The following CERS3 variants were observed in gnomAD, a reference collection of about 807,000 sequenced individuals.
CERS3 encodes the protein ceramide synthase 3.
CERS3 carries 33 observed loss-of-function variants against 50.3 expected under a neutral mutation model. The ratio of observed to expected loss-of-function variants is 0.66; its 90% CI spans 0.50 to 0.88. The LOEUF (loss-of-function observed/expected upper bound fraction) is 0.88. Among genes scored for constraint, CERS3 ranks in the 40% least tolerant of loss-of-function variants. The pLI, the probability that CERS3 is intolerant of heterozygous loss-of-function variation, is 0.00. For missense variants in CERS3, 470 were observed against 460.3 expected (o/e 1.02, Z -0.19); for synonymous variants, 176 against 155.2 (o/e 1.13, Z -0.99).
intron 1 of CERS3, among the ~76,000 whole-genome samples, chr15:100,543,533 CTTTTT>C (rs61663663): frequency 2.9e-5 from 4 of 139,726 alleles, no homozygotes; most frequent in African/African-American, 1.1e-4. Flanking sequence ...TCCTTTCTTT[CTTTTT>C]TTTTTTTTTA....
At position 100,449,390 on chromosome 15, in the gene CERS3, C is replaced by T. The variant is rs140808571; in HGVS notation, c.999+6503G>A. On this transcript the variant is annotated intron_variant, in intron 11 of 11. Coordinates refer to ENST00000679737, the MANE Select transcript of CERS3 (RefSeq NM_001378789.1). ...AGCTTCTGCCTAGGGGCCCAAAGGC[C>T]AACCTACCTCCTGCCCCATCACTGC... Among the ~76,000 whole-genome samples the T allele has an allele frequency of 1.5e-3, 221 of 152,326 alleles. 1 individual carries two copies. Among genetic ancestry groups the T allele is most frequent in the Admixed American group, 5.0e-3 (76 of 15,308 alleles).
chr15:100,413,287 T>C (rs1258283070), intron 11 of CERS3, among the ~76,000 whole-genome samples: 2 of 152,168 alleles, frequency 1.3e-5, no homozygotes, highest in Non-Finnish European at 2.9e-5. Context: ...TCTGGGATTT[T>C]AAGTAAAGCA....
At chr15:100,470,073 A>C (rs1264144636) in intron 9 of CERS3, among the ~76,000 whole-genome samples, 4 of 151,308 alleles carry the variant, frequency 2.6e-5, no homozygotes, top group Non-Finnish European at 4.5e-5. Flanking sequence ...TGTTGAATAG[A>C]AAGAACTGCA....
At chr15:100,469,628 A>G in intron 9 of CERS3, 144 bp from the exon 10 acceptor site, 1 of 608,004 alleles carries the variant, frequency 1.6e-6, no homozygotes, top group Non-Finnish European at 2.9e-6. Flanking sequence ...GGCAATAGAT[A>G]AAACAAGACT....
At chr15:100,470,973 T>G (rs537992967) in intron 9 of CERS3, among the ~76,000 whole-genome samples, 98 of 152,300 alleles carry the variant, frequency 6.4e-4, no homozygotes, top group African/African-American at 2.2e-3. Context: ...AGAACTTGAT[T>G]GTGAAAACAA....
At chr15:100,409,669 G>A (rs1009283659) in intron 11 of CERS3, among the ~76,000 whole-genome samples, 7 of 152,264 alleles carry the variant, frequency 4.6e-5, no homozygotes, top group Admixed American at 2.6e-4. Flanking sequence ...CAAAATCAGC[G>A]TGAGTCCGTT....
chr15:100,415,187 G>A (rs182377248), intron 11 of CERS3, among the ~76,000 whole-genome samples: 278 of 152,272 alleles, frequency 1.8e-3, no homozygotes, highest in African/African-American at 6.5e-3. Flanking sequence ...CAACATCACT[G>A]ATCATTAGAG....
chr15:100,520,699 A>C (rs566259442), intron 2 of CERS3, among the ~76,000 whole-genome samples: 106 of 152,230 alleles, frequency 7.0e-4, no homozygotes, highest in Admixed American at 1.6e-3. Context: ...AGGTGTAGAA[A>C]ATGACAGGCC....
chr15:100,469,284 C>T, intron 10 of CERS3, 94 bp downstream of exon 10: 1 of 814,604 alleles, frequency 1.2e-6, no homozygotes, highest in Non-Finnish European at 2.1e-6. Flanking sequence ...ACTGGAGACC[C>T]ACGTATGGAA....
At chr15:100,478,552 G>A (rs1220990400) in intron 7 of CERS3, among the ~76,000 whole-genome samples, 1 of 151,710 alleles carries the variant, frequency 6.6e-6, no homozygotes, top group African/African-American at 2.4e-5. Context: ...TGTTATGAGG[G>A]GAACAGCCAA....
intron 8 of CERS3, among the ~76,000 whole-genome samples, chr15:100,474,871 C>A (rs2035078335): frequency 6.6e-6 from 1 of 152,170 alleles, no homozygotes; most frequent in African/African-American, 2.4e-5. Context: ...ACCCAGGAGA[C>A]CTGACTCCAG....
intron 11 of CERS3, among the ~76,000 whole-genome samples, chr15:100,413,397 A>G (rs1356820060): frequency 6.6e-6 from 1 of 152,176 alleles, no homozygotes; most frequent in East Asian, 1.9e-4. Flanking sequence ...TTCAAGATAC[A>G]CAAAGAGCTC....
intron 8 of CERS3, among the ~76,000 whole-genome samples, chr15:100,475,637 C>A (rs2035102663): frequency 6.6e-6 from 1 of 151,850 alleles, no homozygotes; most frequent in Non-Finnish European, 1.5e-5. Context: ...CTAATAATGC[C>A]CGAAGCAAGG....
intron 2 of CERS3, among the ~76,000 whole-genome samples, chr15:100,506,468 C>T (rs917503617): frequency 1.2e-4 from 2 of 16,946 alleles, no homozygotes; most frequent in African/African-American, 2.4e-4. Context: ...GGGACCCCCC[C>T]GCCGCCCCAC....
At chr15:100,408,127 C>A (rs564553902) in intron 11 of CERS3, among the ~76,000 whole-genome samples, 1 of 152,216 alleles carries the variant, frequency 6.6e-6, no homozygotes, top group East Asian at 1.9e-4. Flanking sequence ...CCACCCTGGC[C>A]TCCCAAAGTG....
rs772185465 is a variant in CERS3 at position 100,473,029 on chromosome 15, G to T, written c.633C>A (p.His211Gln). ...TCATCAGACTAATAGCAGCCAGGTG[G>T]TGGATGATATGAGCTAGAAAATCCT... ...KRKDFLAHII[H>Q]HLAAISLMSF... Residue 211 changes from histidine to glutamine, a missense_variant, in exon 9 of 12, where the codon CAC (histidine) becomes CAA (glutamine). By Grantham distance (24) the His-to-Gln change is conservative. Transcript: ENST00000679737. The T allele has an allele frequency of 6.2e-7, 1 of 1,613,656 alleles. No homozygotes were observed. The highest frequency in any genetic ancestry group is 1.3e-5 in the African/African-American group (1 of 75,004).
chr15:100,437,693 A>G (rs554881427), intron 11 of CERS3: 2 of 152,236 alleles, frequency 1.3e-5, no homozygotes, highest in Non-Finnish European at 2.9e-5. Flanking sequence ...GCTAACATTT[A>G]TCATGTGCTT....
At chr15:100,483,846 T>C (rs1215675790) in intron 5 of CERS3, among the ~76,000 whole-genome samples, 3 of 141,236 alleles carry the variant, frequency 2.1e-5, no homozygotes, top group African/African-American at 5.3e-5. Flanking sequence ...AGTGGCGGGA[T>C]CTCGGCTCAC....
intron 8 of CERS3, among the ~76,000 whole-genome samples, chr15:100,473,340 GT>G: frequency 6.6e-6 from 1 of 152,124 alleles, no homozygotes; most frequent in South Asian, 2.1e-4. Context: ...GCATATTCCT[GT>G]GTACACCTAC....
Sources: allele counts gnomAD v4.1 joint callset (sites outside exome capture counted in the v4.1 genomes callset), GRCh38; gene constraint gnomAD v4.1.1; transcripts MANE v1.5; gene names NCBI Gene and HGNC (gene_info 2026-07-23, HGNC 2026-07-21).